The following FIG4 variants were observed in gnomAD, a reference collection of about 807,000 sequenced individuals.
FIG4 encodes the protein FIG4 phosphoinositide 5-phosphatase, also known as polyphosphoinositide phosphatase.
FIG4 carries 112 observed loss-of-function variants against 118.6 expected under a neutral mutation model. That is an observed-to-expected ratio of 0.94 (90% CI 0.81 to 1.11). FIG4 has a LOEUF of 1.11. Among genes scored for constraint, FIG4 ranks in the 50% least tolerant of loss-of-function variants. The pLI is 0.00. For synonymous variants in FIG4, 369 were observed against 381.2 expected (o/e 0.97, Z 0.37); for missense variants, 969 against 1,111.7 (o/e 0.87, Z 1.83).
chr6:109,804,385 A>G (rs1282084293), intron 22 of FIG4, among the ~76,000 whole-genome samples: 2 of 152,146 alleles, frequency 1.3e-5, no homozygotes, highest in African/African-American at 4.8e-5. Flanking sequence ...CTTTTGTACA[A>G]TGAAGATGAG....
intron 6 of FIG4, 106 bp downstream of exon 6, chr6:109,735,404 G>A (rs932903450): frequency 5.0e-5 from 56 of 1,114,780 alleles, no homozygotes; most frequent in Non-Finnish European, 7.1e-5. Context: ...CCTCTTTGCT[G>A]TTTGTCCTTA....
At chr6:109,753,140 G>T (rs1023112319) in intron 10 of FIG4, among the ~76,000 whole-genome samples, 1 of 152,140 alleles carries the variant, frequency 6.6e-6, no homozygotes, top group African/African-American at 2.4e-5. Flanking sequence ...TCAAAGATCA[G>T]ATAGTTGTAG....
intron 22 of FIG4, among the ~76,000 whole-genome samples, chr6:109,815,227 G>C (rs897469350): frequency 6.6e-6 from 1 of 151,710 alleles, no homozygotes; most frequent in African/African-American, 2.4e-5. Flanking sequence ...CCCCTTCCCA[G>C]ACATGAACGC....
rs376279329 is a variant in FIG4, at chr6:109,749,178, C to T, written c.1137+5406C>T. ...GAGAAGAGTGAAACAGTGAGGCAGT[C>T]AGCTTTATTTCTTCCTGTGTTGCTC... On this transcript the variant is annotated intron_variant, in intron 10 of 22. Coordinates refer to ENST00000230124, the MANE Select transcript of FIG4 (RefSeq NM_014845.6). 8.6e-5 allele frequency among the ~76,000 whole-genome samples: 13 copies of T among 151,408 alleles called. No homozygotes were observed. In the East Asian group the frequency reaches 2.0e-3, roughly 23 times the overall value.
intron 1 of FIG4, among the ~76,000 whole-genome samples, chr6:109,712,105 G>A (rs990759742): frequency 6.6e-6 from 1 of 152,106 alleles, no homozygotes; most frequent in African/African-American, 2.4e-5. Context: ...TGGCTTTTAG[G>A]GCTTCAGCTG....
At chr6:109,803,479 G>T (rs1427069909) in intron 22 of FIG4, among the ~76,000 whole-genome samples, 2 of 152,166 alleles carry the variant, frequency 1.3e-5, no homozygotes, top group African/African-American at 4.8e-5. Flanking sequence ...AAGTTTGGGG[G>T]CTAAGGTAGT....
At chr6:109,706,562 C>G (rs1775072575) in intron 1 of FIG4, among the ~76,000 whole-genome samples, 1 of 152,286 alleles carries the variant, frequency 6.6e-6, no homozygotes, top group South Asian at 2.1e-4. Context: ...GCTTTCCTCC[C>G]TTTGGGCTAC....
rs2128402684 is a variant in FIG4 at position 109,825,194 on chromosome 6, G to A, written c.2653G>A (p.Gly885Ser). The change falls in exon 23 of 23, where the codon GGT becomes AGT. Residue 885 changes from glycine to serine, a missense_variant. By Grantham distance (56) the Gly-to-Ser change is moderately conservative. Transcript: ENST00000230124. Reference sequence around the variant, plus strand: ...CCAAGCCCACATCCAGGCCAGCCAAGGTATCATGCAGCCCCTAGGAAAAGA... The same window carrying A: ...CCAAGCCCACATCCAGGCCAGCCAAAGTATCATGCAGCCCCTAGGAAAAGA... ...IFQAHIQASQ[G>S]IMQPLGKEDS... The A allele has an allele frequency of 6.2e-7, 1 of 1,614,050 alleles. No homozygotes were observed. The highest frequency in any genetic ancestry group is 2.2e-5 in the East Asian group (1 of 44,866).
intron 16 of FIG4, among the ~76,000 whole-genome samples, chr6:109,777,358 C>G (rs915100604): frequency 6.6e-5 from 10 of 152,086 alleles, no homozygotes; most frequent in Non-Finnish European, 1.3e-4. Flanking sequence ...TATTGATGTC[C>G]TGATAGTAGG....
chr6:109,733,336 A>G (rs1263401868), intron 5 of FIG4, among the ~76,000 whole-genome samples: 3 of 152,110 alleles, frequency 2.0e-5, no homozygotes, highest in Admixed American at 6.6e-5. Flanking sequence ...CAGCATCATG[A>G]TAAGTATTTT....
intron 3 of FIG4, among the ~76,000 whole-genome samples, chr6:109,725,994 T>C (rs1438287273): frequency 6.6e-6 from 1 of 152,240 alleles, no homozygotes; most frequent in Non-Finnish European, 1.5e-5. Flanking sequence ...AGATTCTGGA[T>C]ATTAGCCCTT....
Position 109,825,385 on chromosome 6 carries a change from C to T in FIG4, c.*120C>T, listed in dbSNP as rs1127775. On this transcript the variant is annotated 3_prime_UTR_variant, in exon 23 of 23. Transcript: ENST00000230124. Reference sequence around the variant, plus strand: ...CTGAAGCCTTTCTCCTTTTCTGTCACTTGCAAATTCCAAATTATAGCTAAT... The same window carrying T: ...CTGAAGCCTTTCTCCTTTTCTGTCATTTGCAAATTCCAAATTATAGCTAAT... 0.45 allele frequency: 392,208 copies of T among 880,416 alleles called. 92,851 individuals carry two copies. Among genetic ancestry groups the T allele is most frequent in the East Asian group, 0.67 (25,265 of 37,648 alleles). The allele number at this position is 880,416 out of a possible 1,614,324, so 54.5% of individuals were successfully genotyped here.
At chr6:109,721,736 G>T (rs1435341475) in intron 3 of FIG4, among the ~76,000 whole-genome samples, 1 of 152,114 alleles carries the variant, frequency 6.6e-6, no homozygotes, top group Admixed American at 6.5e-5. Flanking sequence ...GCCTTTAATT[G>T]TTGAGAGACA....
At chr6:109,739,145 G>T (rs777971072) in intron 7 of FIG4, among the ~76,000 whole-genome samples, 2 of 152,156 alleles carry the variant, frequency 1.3e-5, no homozygotes, top group Non-Finnish European at 2.9e-5. Flanking sequence ...CAAGTAACAT[G>T]AGTTAGGAAA....
Position 109,784,973 on chromosome 6 carries a change from T to C in FIG4, c.1893T>C (p.Tyr631=). 1 of 1,512,654 alleles carries C rather than the reference T, an allele frequency of 6.6e-7. No individual in the cohort carries two copies. The highest frequency in any genetic ancestry group is 1.2e-5 in the South Asian group (1 of 85,626). 93.7% of individuals were successfully genotyped at this position (1,512,654 alleles called of 1,614,324 possible). A position where few individuals can be genotyped will look rare whatever the true frequency, so the allele number is the denominator to read the frequency against. The change falls in exon 17 of 23, where the codon TAT becomes TAC. Residue 631 remains tyrosine (Y), a synonymous_variant. Coordinates refer to ENST00000230124, the MANE Select transcript of FIG4 (RefSeq NM_014845.6). ...TTTTTTAATTTTTATTTTATAGTTA[T>C]ACTTACTGGTGGACACCAGAGGTGA... The part of the protein sequence containing the change: ...TMRLLPTRRS[Y]TYWWTPEVIK...
At chr6:109,761,478 C>T (rs572197391) in intron 11 of FIG4, among the ~76,000 whole-genome samples, 3 of 152,268 alleles carry the variant, frequency 2.0e-5, no homozygotes, top group South Asian at 4.1e-4. Flanking sequence ...CTCCACCTCC[C>T]GGGTTCACGC....
At position 109,791,642 on chromosome 6, in the gene FIG4, G is replaced by A. The variant is rs1181067875; in HGVS notation, c.2376+71G>A. ...AATGATCTTTACAACTCCGCTTTCA[G>A]TTAAAAGGCTGAGAGCAAGAAAATG... On this transcript the variant is annotated intron_variant, in intron 20 of 22. Transcript: ENST00000230124. 1.0e-5 allele frequency: 14 copies of A among 1,393,894 alleles called. No individual in the cohort carries two copies. In the African/African-American group the frequency reaches 1.6e-4, roughly 16 times the overall value. 86.3% of individuals were successfully genotyped at this position (1,393,894 alleles called of 1,614,324 possible).
intron 22 of FIG4, among the ~76,000 whole-genome samples, chr6:109,824,495 G>A (rs1424050175): frequency 6.6e-6 from 1 of 152,180 alleles, no homozygotes; most frequent in Non-Finnish European, 1.5e-5. Flanking sequence ...ACTTCTGGTT[G>A]TTTCAGCTTT....
intron 1 of FIG4, among the ~76,000 whole-genome samples, chr6:109,698,270 T>C (rs779788729): frequency 2.6e-5 from 4 of 152,054 alleles, no homozygotes; most frequent in Non-Finnish European, 5.9e-5. Flanking sequence ...AGTCTTAAAA[T>C]CAGGAAGTTT....
Sources: allele counts gnomAD v4.1 joint callset (sites outside exome capture counted in the v4.1 genomes callset), GRCh38; gene constraint gnomAD v4.1.1; transcripts MANE v1.5; gene names NCBI Gene and HGNC (gene_info 2026-07-23, HGNC 2026-07-21).